ZNF536: variants seen among roughly 807,000 people sequenced by gnomAD.
ZNF536 encodes the protein zinc finger protein 536.
A neutral mutation model predicts 84.5 loss-of-function variants in ZNF536; 13 were observed. The observed-to-expected ratio is 0.15, with a 90% confidence interval of 0.10 to 0.24. The LOEUF (loss-of-function observed/expected upper bound fraction) is 0.24. Among genes scored for constraint, ZNF536 ranks in the 10% least tolerant of loss-of-function variants. The probability of loss-of-function intolerance (pLI) is 1.00; values close to 1 mark genes in which losing one functional copy is unlikely to be tolerated. For missense variants in ZNF536, 1,536 were observed against 1,747.5 expected, an observed-to-expected ratio of 0.88 and a Z score of 2.16; for synonymous variants, 811 against 742.5, an observed-to-expected ratio of 1.09 and a Z score of -1.50.
Position 30,295,737 on chromosome 19 carries a change from A to G in ZNF536, c.-120+11596A>G, listed in dbSNP as rs76526506. 3.0e-4 allele frequency among the ~76,000 whole-genome samples: 46 copies of G among 152,322 alleles called. No homozygotes were observed. The East Asian group carries it at 8.1e-3, about 27-fold the overall frequency. ...CTTGGAAAACTTTCACTTGAAAAAA[A>G]TGTGGGTAGAAAAAAATGTTTGAAA... On this transcript the variant is annotated intron_variant, in intron 2 of 5. Transcript: ENST00000585628.
intron 1 of ZNF536, among the ~76,000 whole-genome samples, chr19:30,653,780 C>G (rs2049801024): frequency 6.6e-6 from 1 of 152,246 alleles, no homozygotes; most frequent in South Asian, 2.1e-4. Context: ...TCCCGCCCAG[C>G]CTGCCTTGCT....
intron 1 of ZNF536, among the ~76,000 whole-genome samples, chr19:30,609,901 TCC>T (rs1173454014): frequency 9.0e-6 from 1 of 111,390 alleles, no homozygotes; most frequent in East Asian, 2.2e-4. Context: ...CATTTATCCA[TCC>T]ATCCATCCAT....
chr19:30,464,688 T>C (rs926171784), intron 2 of ZNF536, among the ~76,000 whole-genome samples: 2 of 151,782 alleles, frequency 1.3e-5, no homozygotes, highest in Admixed American at 1.3e-4. Flanking sequence ...CTCCAGGAAG[T>C]AGGTCCCATG....
In ZNF536 at chr19:30,444,587, C is replaced by T. The variant is rs2148189939; in HGVS notation, c.1025C>T (p.Ala342Val). Residue 342 changes from alanine (A) to valine (V), a missense_variant, in exon 2 of 5, where the codon GCC becomes GTC. This residue lies in a region of ZNF536 where 61 missense variants were observed against 104.0 expected (regional missense o/e 0.59). Coordinates refer to ENST00000355537, the MANE Select transcript of ZNF536 (RefSeq NM_014717.3). Reference protein sequence around the residue: ...QGPNGGGEQSANEFRCEVCGQ... With the variant: ...QGPNGGGEQSVNEFRCEVCGQ... ...CCCAACGGCGGTGGCGAGCAGTCGG[C>T]CAACGAGTTCCGCTGCGAGGTGTGC... is the stretch of plus-strand genomic sequence containing the variant. The T allele has an allele frequency of 6.2e-7, 1 of 1,613,768 alleles. No homozygotes were observed. Among genetic ancestry groups the T allele is most frequent in the South Asian group, 1.1e-5 (1 of 91,080 alleles).
At chr19:30,559,638 A>C (rs2046087376), downstream of ZNF536, among the ~76,000 whole-genome samples, 1 of 152,050 alleles carries the variant, frequency 6.6e-6, no homozygotes, top group Non-Finnish European at 1.5e-5. Context: ...TCCTCCTGGG[A>C]TGGGGCCCAG....
At chr19:30,362,532 A>T (rs1035814194) in intron 3 of ZNF536, among the ~76,000 whole-genome samples, 1 of 152,156 alleles carries the variant, frequency 6.6e-6, no homozygotes, top group East Asian at 1.9e-4. Context: ...TGTGGAAGGA[A>T]GTCGTGCAGG....
rs201076928 is a variant in ZNF536, at chr19:30,444,199, C to A, written c.637C>A (p.Leu213Met). 248 of 1,555,468 alleles carry A rather than the reference C, an allele frequency of 1.6e-4. No individual in the cohort carries two copies. The African/African-American group carries it at 3.0e-3, about 19-fold the overall frequency. ...GCGCGCCATCCTGCGGGACAAGCAG[C>A]TGAAAGGCAGCCTGCTGCAGCCCCG... ...EERAILRDKQLKGSLLQPRPD... is the reference protein window; with the variant it reads ...EERAILRDKQMKGSLLQPRPD... The change falls in exon 2 of 5, where the codon CTG becomes ATG. Residue 213 changes from leucine to methionine, a missense_variant. This residue lies in a region of ZNF536 where 138 missense variants were observed against 136.8 expected (regional missense o/e 1.01). Transcript: ENST00000355537.
chr19:30,630,574 G>A (rs1041960255), intron 1 of ZNF536, among the ~76,000 whole-genome samples: 2 of 152,312 alleles, frequency 1.3e-5, no homozygotes, highest in African/African-American at 4.8e-5. Flanking sequence ...GCCCTGGCCC[G>A]CAGACCCTGC....
intron 1 of ZNF536, among the ~76,000 whole-genome samples, chr19:30,400,272 G>T (rs762147438): frequency 1.2e-4 from 18 of 152,158 alleles, no homozygotes; most frequent in Admixed American, 2.0e-4. Context: ...TATGGTAAGG[G>T]TATGTTTTAT....
chr19:30,258,800 C>T (rs1250814240), intron 1 of ZNF536, among the ~76,000 whole-genome samples: 1 of 151,908 alleles, frequency 6.6e-6, no homozygotes, highest in African/African-American at 2.4e-5. Flanking sequence ...TCACTGCAAC[C>T]TCTGCCTCCT....
At chr19:30,484,226 ATTTT>A (rs554903479) in intron 2 of ZNF536, among the ~76,000 whole-genome samples, 1 of 122,022 alleles carries the variant, frequency 8.2e-6, no homozygotes, top group Non-Finnish European at 1.7e-5. Context: ...TCTCATTTTG[ATTTT>A]TTTTTTTTTT....
intron 1 of ZNF536, among the ~76,000 whole-genome samples, chr19:30,582,189 C>T (rs529336686): frequency 2.0e-5 from 3 of 151,958 alleles, no homozygotes; most frequent in East Asian, 1.9e-4. Context: ...TCAGGGAGAC[C>T]GAGGCAGTGA....
At chr19:30,546,709 G>C (rs972578953) in intron 3 of ZNF536, among the ~76,000 whole-genome samples, 1 of 152,218 alleles carries the variant, frequency 6.6e-6, no homozygotes, top group African/African-American at 2.4e-5. Flanking sequence ...GAAGGGGAGG[G>C]GGAATAGTTG....
At chr19:30,369,118 T>C (rs1288058985), upstream of ZNF536, among the ~76,000 whole-genome samples, 1 of 152,224 alleles carries the variant, frequency 6.6e-6, no homozygotes, top group Non-Finnish European at 1.5e-5. Flanking sequence ...GAGGTGCTTA[T>C]GTGCACTGTC....
At chr19:30,416,817 A>G (rs552059885) in intron 1 of ZNF536, among the ~76,000 whole-genome samples, 1 of 152,220 alleles carries the variant, frequency 6.6e-6, no homozygotes, top group East Asian at 1.9e-4. Context: ...GTTGGATAAT[A>G]CTTGGCACTT....
intron 1 of ZNF536, among the ~76,000 whole-genome samples, chr19:30,236,822 G>A (rs531486120): frequency 2.0e-5 from 3 of 152,160 alleles, no homozygotes; most frequent in Non-Finnish European, 2.9e-5. Context: ...TTGGAGGGGG[G>A]TGGTAGGGAT....
chr19:30,607,770 C>T (rs748844641), intron 1 of ZNF536, among the ~76,000 whole-genome samples: 4 of 150,284 alleles, frequency 2.7e-5, no homozygotes, highest in African/African-American at 9.8e-5. Flanking sequence ...ATGTGTGTAA[C>T]ATATTAGAAA....
intron 2 of ZNF536, among the ~76,000 whole-genome samples, chr19:30,481,948 A>G (rs1319128013): frequency 6.6e-6 from 1 of 152,162 alleles, no homozygotes; most frequent in Non-Finnish European, 1.5e-5. Flanking sequence ...GTTACTTCCC[A>G]TAGAATAATG....
chr19:30,590,846 G>A (rs555435996), intron 1 of ZNF536, among the ~76,000 whole-genome samples: 1 of 152,352 alleles, frequency 6.6e-6, no homozygotes, highest in African/African-American at 2.4e-5. Flanking sequence ...CCTCTTAGAT[G>A]TCCAGCTGTT....
Sources: allele counts gnomAD v4.1 joint callset (sites outside exome capture counted in the v4.1 genomes callset), GRCh38; gene constraint gnomAD v4.1.1; regional missense constraint gnomAD v4.1.1; transcripts MANE v1.5; gene names NCBI Gene and HGNC (gene_info 2026-07-23, HGNC 2026-07-21).